The following BMPER variants were observed in gnomAD, a reference collection of about 807,000 sequenced individuals.
The protein encoded by BMPER is BMP-binding endothelial regulator protein.
In BMPER, 45 loss-of-function variants were observed where a neutral mutation model predicts 87.3. The observed-to-expected ratio is 0.52, with a 90% CI of 0.41 to 0.66. The LOEUF (loss-of-function observed/expected upper bound fraction) is 0.66. BMPER is among the 30% of genes least tolerant of loss of function. The probability of loss-of-function intolerance (pLI) is 0.00; values close to 1 mark genes in which losing one functional copy is unlikely to be tolerated. For missense variants in BMPER, 784 were observed against 867.5 expected, an observed-to-expected ratio of 0.90 and a Z score of 1.21; for synonymous variants, 326 against 316.2, an observed-to-expected ratio of 1.03 and a Z score of -0.33.
rs533927308 is a variant in BMPER, at chr7:34,124,505, A to G, written c.1746-18725A>G. 7.4e-5 allele frequency among the ~76,000 whole-genome samples: 11 copies of G among 148,394 alleles called. No individual in the cohort carries two copies. In the East Asian group the frequency reaches 2.0e-3, roughly 27 times the overall value. On this transcript the variant is annotated intron_variant, in intron 13 of 14. Transcript: ENST00000649409. ...AGCATTGTGAAGTGGGTCTTTTTGT[A>G]TAGTTTAATGTCTTAAGCAGTTATT...
intron 5 of BMPER, 137 bp from the exon 6 acceptor site, chr7:33,974,565 A>G: frequency 1.2e-6 from 1 of 867,684 alleles, no homozygotes; most frequent in Non-Finnish European, 2.0e-6. Context: ...TTCACTATGC[A>G]GCAATCTTGT....
At chr7:33,985,598 C>T (rs548394707) in intron 6 of BMPER, among the ~76,000 whole-genome samples, 11 of 152,288 alleles carry the variant, frequency 7.2e-5, no homozygotes, top group African/African-American at 2.4e-4. Context: ...TTAATTCCCA[C>T]TCCAATAATC....
At chr7:33,974,373 C>G (rs555145465) in intron 5 of BMPER, among the ~76,000 whole-genome samples, 2 of 152,214 alleles carry the variant, frequency 1.3e-5, no homozygotes, top group East Asian at 1.9e-4. Context: ...CTCTGGCCCC[C>G]CTGGGTTTGG....
chr7:33,961,763 CCA>C (rs1389894581), intron 3 of BMPER, among the ~76,000 whole-genome samples: 2 of 152,024 alleles, frequency 1.3e-5, no homozygotes, highest in Non-Finnish European at 2.9e-5. Flanking sequence ...GGGTCAGAAG[CCA>C]GATTGCCTTA....
rs117037025 is a variant in BMPER, at chr7:34,109,207, A to G, written c.1745+23115A>G. Among the ~76,000 whole-genome samples the G allele has an allele frequency of 4.9e-3, 747 of 152,292 alleles. 4 individuals carry two copies. Among genetic ancestry groups the G allele is most frequent in the Non-Finnish European group, 8.9e-3 (605 of 68,010 alleles). On this transcript the variant is annotated intron_variant, in intron 13 of 14. Transcript: ENST00000649409. ...ACCACCAGGCTTGCAAGACCCAGGG[A>G]GAGCTGATGTTTCAGTTCAAGTTCA... is the stretch of plus-strand genomic sequence containing the variant.
intron 11 of BMPER, among the ~76,000 whole-genome samples, chr7:34,073,449 C>A (rs1449636780): frequency 6.6e-6 from 1 of 152,138 alleles, no homozygotes; most frequent in Non-Finnish European, 1.5e-5. Flanking sequence ...CATAGAAAAG[C>A]TACAGTAAAA....
At chr7:34,150,489 A>T (rs539090397) in intron 14 of BMPER, among the ~76,000 whole-genome samples, 2 of 152,342 alleles carry the variant, frequency 1.3e-5, no homozygotes, top group East Asian at 3.9e-4. Flanking sequence ...TGTGACCACC[A>T]TTAGTCCACT....
intron 6 of BMPER, among the ~76,000 whole-genome samples, chr7:33,980,406 T>C (rs756846773): frequency 1.4e-4 from 21 of 152,238 alleles, no homozygotes; most frequent in Admixed American, 3.9e-4. Context: ...TTATAAAGTA[T>C]ACTGAGTGTT....
chr7:34,042,973 A>G (rs1407676588), intron 6 of BMPER: 1 of 152,234 alleles, frequency 6.6e-6, no homozygotes, highest in East Asian at 1.9e-4. Flanking sequence ...TTCACAGGTG[A>G]GAAGGGGCTT....
chr7:33,948,358 G>A (rs1203200063), intron 3 of BMPER, among the ~76,000 whole-genome samples: 1 of 152,226 alleles, frequency 6.6e-6, no homozygotes, highest in African/African-American at 2.4e-5. Context: ...CAGACCTGAG[G>A]TGGTGGTGAT....
intron 13 of BMPER, among the ~76,000 whole-genome samples, chr7:34,111,284 T>C (rs1032709575): frequency 7.2e-5 from 11 of 152,254 alleles, no homozygotes; most frequent in Non-Finnish European, 1.5e-4. Flanking sequence ...CCTGGTGAGC[T>C]GTACCTAAGG....
At chr7:34,051,827 G>A (rs951966261) in intron 7 of BMPER, 34 bp from the exon 8 acceptor site, 1 of 1,547,520 alleles carries the variant, frequency 6.5e-7, no homozygotes, top group Non-Finnish European at 8.9e-7. Flanking sequence ...CCCCGATTCT[G>A]TCTTACTTAC....
intron 2 of BMPER, among the ~76,000 whole-genome samples, chr7:33,933,286 G>A (rs570514433): frequency 6.6e-6 from 1 of 152,182 alleles, no homozygotes; most frequent in Non-Finnish European, 1.5e-5. Context: ...CAATGTTAAA[G>A]AATCGGTTAA....
At chr7:34,014,833 G>A (rs894861568) in intron 6 of BMPER, among the ~76,000 whole-genome samples, 1 of 151,868 alleles carries the variant, frequency 6.6e-6, no homozygotes, top group African/African-American at 2.4e-5. Context: ...GGAAGAATAG[G>A]CATCAAATGA....
At chr7:33,915,644 C>T (rs1278936366) in intron 2 of BMPER, among the ~76,000 whole-genome samples, 1 of 152,070 alleles carries the variant, frequency 6.6e-6, no homozygotes, top group Non-Finnish European at 1.5e-5. Flanking sequence ...TGGTATATGC[C>T]CTTCATCCGA....
chr7:33,990,812 GT>G (rs1786189224), intron 6 of BMPER, among the ~76,000 whole-genome samples: 2 of 117,012 alleles, frequency 1.7e-5, no homozygotes, highest in Admixed American at 9.5e-5. Context: ...TTTATTGAGA[GT>G]TTTTAGCATG....
At chr7:33,940,878 ATT>A (rs1363552200) in intron 3 of BMPER, among the ~76,000 whole-genome samples, 1 of 141,010 alleles carries the variant, frequency 7.1e-6, no homozygotes, top group Non-Finnish European at 1.5e-5. Context: ...TATTATATAT[ATT>A]TATATATAAT....
At chr7:34,139,296 A>C (rs1307522719) in intron 13 of BMPER, among the ~76,000 whole-genome samples, 1 of 152,216 alleles carries the variant, frequency 6.6e-6, no homozygotes, top group African/African-American at 2.4e-5. Context: ...AGGCTGCCAA[A>C]ATACAGATTG....
At chr7:33,926,270 T>G (rs1784359327) in intron 2 of BMPER, among the ~76,000 whole-genome samples, 1 of 152,230 alleles carries the variant, frequency 6.6e-6, no homozygotes, top group South Asian at 2.1e-4. Flanking sequence ...AAACCCAAGT[T>G]TATAGCCCCA....
Sources: gnomAD v4.1 joint callset for allele counts (sites outside exome capture counted in the v4.1 genomes callset) on GRCh38, gnomAD v4.1.1 for gene constraint, MANE v1.5 for transcripts, NCBI Gene and HGNC (gene_info 2026-07-23, HGNC 2026-07-21) for gene names.